BCL2L11: variants seen among roughly 807,000 people sequenced by gnomAD.
The protein encoded by BCL2L11 is bcl-2-like protein 11.
A neutral mutation model predicts 20.6 loss-of-function variants in BCL2L11; 15 were observed. The observed-to-expected ratio is 0.73, with a 90% CI of 0.49 to 1.12. The LOEUF is 1.12. Among genes scored for constraint, BCL2L11 ranks in the 50% most tolerant of loss-of-function variants. The pLI, the probability that BCL2L11 is intolerant of heterozygous loss-of-function variation, is 0.00. For missense variants in BCL2L11, 292 were observed against 260.9 expected, an observed-to-expected ratio of 1.12 and a Z score of -0.82; for synonymous variants, 108 against 92.8, an observed-to-expected ratio of 1.16 and a Z score of -0.94.
intron 1 of BCL2L11, among the ~76,000 whole-genome samples, chr2:111,122,252 T>C (rs2071195556): frequency 6.6e-6 from 1 of 152,204 alleles, no homozygotes; most frequent in Non-Finnish European, 1.5e-5. Context: ...GGACTGGGCC[T>C]GGGGATGGCC....
intron 3 of BCL2L11, 62 bp from the exon 4 acceptor site, chr2:111,164,071 T>TGCCCCCC: frequency 1.4e-5 from 9 of 664,716 alleles, no homozygotes; most frequent in East Asian, 3.3e-5. Context: ...AAATATGGGC[T>TGCCCCCC]CCCACCCCTC....
At chr2:111,147,377 C>G (rs1424271213) in intron 2 of BCL2L11, among the ~76,000 whole-genome samples, 1 of 151,364 alleles carries the variant, frequency 6.6e-6, no homozygotes, top group Non-Finnish European at 1.5e-5. Flanking sequence ...CACACACACA[C>G]ACACACACAC....
chr2:111,164,105 C>G (rs2078905328), intron 3 of BCL2L11, 28 bp from the exon 4 acceptor site: 1 of 596,792 alleles, frequency 1.7e-6, no homozygotes, highest in East Asian at 5.5e-5. Flanking sequence ...TAGGGAGAAA[C>G]TAAGAAGCTT....
At chr2:111,152,771 T>C (rs1345898691) in intron 3 of BCL2L11, among the ~76,000 whole-genome samples, 1 of 152,198 alleles carries the variant, frequency 6.6e-6, no homozygotes, top group East Asian at 1.9e-4. Context: ...CTTCTCCCAA[T>C]GTCATTTCAC....
intron 3 of BCL2L11, among the ~76,000 whole-genome samples, chr2:111,150,898 G>C (rs1014752402): frequency 1.6e-5 from 2 of 123,694 alleles, no homozygotes; most frequent in Non-Finnish European, 3.7e-5. Context: ...TTGTTTGTTT[G>C]TTTGTTTGTG....
At chr2:111,137,793 T>C (rs758907225) in intron 2 of BCL2L11, among the ~76,000 whole-genome samples, 1 of 152,096 alleles carries the variant, frequency 6.6e-6, no homozygotes, top group African/African-American at 2.4e-5. Flanking sequence ...TGGTGCTGTC[T>C]TCATGGTGTT....
At chr2:111,144,048 C>T (rs529985920) in intron 2 of BCL2L11, among the ~76,000 whole-genome samples, 1 of 152,306 alleles carries the variant, frequency 6.6e-6, no homozygotes, top group South Asian at 2.1e-4. Flanking sequence ...TTTCTTTTGA[C>T]CATGGCTCCA....
intron 2 of BCL2L11, among the ~76,000 whole-genome samples, chr2:111,141,498 A>C (rs1229324135): frequency 8.2e-6 from 1 of 122,106 alleles, no homozygotes; most frequent in African/African-American, 3.2e-5. Flanking sequence ...GGAATATCAC[A>C]CTCTGGGGAC....
chr2:111,163,101 C>A, intron 3 of BCL2L11: 1 of 154,060 alleles, frequency 6.5e-6, no homozygotes, highest in East Asian at 1.9e-4. Context: ...AGTGGAGCTG[C>A]AGCTGCGGCT....
At chr2:111,163,801 T>C (rs992683179) in intron 3 of BCL2L11, among the ~76,000 whole-genome samples, 4 of 151,982 alleles carry the variant, frequency 2.6e-5, no homozygotes, top group African/African-American at 9.7e-5. Flanking sequence ...GTCAGTTAAC[T>C]TGGGTGGTAA....
At chr2:111,123,589 T>C (rs1559007261) in intron 1 of BCL2L11, 144 bp from the exon 2 acceptor site, 2 of 1,224,960 alleles carry the variant, frequency 1.6e-6, no homozygotes, top group Non-Finnish European at 2.1e-6. Flanking sequence ...GCAATTTTTT[T>C]ATTTGGGAGA....
chr2:111,163,763 C>A (rs1403045140), intron 3 of BCL2L11, among the ~76,000 whole-genome samples: 2 of 152,142 alleles, frequency 1.3e-5, no homozygotes, highest in Non-Finnish European at 2.9e-5. Context: ...GAAATTCACC[C>A]CTGGGGGAAT....
intron 2 of BCL2L11, chr2:111,146,008 G>A: frequency 1.0e-6 from 1 of 978,092 alleles, no homozygotes; most frequent in South Asian, 4.7e-5. Context: ...TCTGCTACTT[G>A]CAGGATTGGA....
At chr2:111,154,353 GAA>G (rs556911619) in intron 3 of BCL2L11, among the ~76,000 whole-genome samples, 5 of 104,472 alleles carry the variant, frequency 4.8e-5, no homozygotes, top group Non-Finnish European at 6.3e-5. Context: ...GCCCTTCTCA[GAA>G]AAAAAAAAAA....
chr2:111,144,517 C>T lies in BCL2L11; in HGVS notation c.395-5527C>T, dbSNP rs73954956. 1.9e-6 allele frequency: 3 copies of T among 1,550,542 alleles called. No individual in the cohort carries two copies. In the South Asian group the frequency reaches 3.6e-5, roughly 18 times the overall value. On this transcript the variant is annotated intron_variant, in intron 2 of 3. Coordinates refer to ENST00000393256, the MANE Select transcript of BCL2L11 (RefSeq NM_138621.5). ...CTGGGACTAGAAACAGCTCCATCAC[C>T]CAGGTGAGTTTTATAAGGAAACATA...
At chr2:111,147,248 C>T (rs1417987427) in intron 2 of BCL2L11, among the ~76,000 whole-genome samples, 2 of 151,810 alleles carry the variant, frequency 1.3e-5, no homozygotes, top group African/African-American at 4.8e-5. Context: ...TGGTTTCTTG[C>T]CTTTTGCCCA....
chr2:111,125,663 G>C (rs1227366239), intron 2 of BCL2L11, among the ~76,000 whole-genome samples: 1 of 152,184 alleles, frequency 6.6e-6, no homozygotes, highest in Non-Finnish European at 1.5e-5. Flanking sequence ...ACCTCAGAGT[G>C]GTGGTCACTT....
intron 1 of BCL2L11, 193 bp from the exon 2 acceptor site, chr2:111,123,540 C>T (rs564440221): frequency 5.1e-6 from 5 of 984,242 alleles, no homozygotes; most frequent in Non-Finnish European, 6.0e-6. Context: ...TTGGGGGTAC[C>T]CTCTACCAAA....
rs1234055191 is a variant in BCL2L11 at position 111,165,548 on chromosome 2, G to A, written c.*1317G>A. On this transcript the variant is annotated 3_prime_UTR_variant, in exon 4 of 4. Coordinates refer to ENST00000393256, the MANE Select transcript of BCL2L11 (RefSeq NM_138621.5). The stretch of plus-strand genomic sequence containing the variant: ...TTCCAGGACAGTTGGATATTGTCAG[G>A]CCACTTGTGACCCCAGCCATGTAGT... 6.6e-6 allele frequency: 1 copy of A among 152,190 alleles called. No homozygotes were observed. The highest frequency in any genetic ancestry group is 2.4e-5 in the African/African-American group (1 of 41,406). 9.4% of individuals were successfully genotyped at this position (152,190 alleles called of 1,614,324 possible). A position where few individuals can be genotyped will look rare whatever the true frequency, so the allele number is the denominator to read the frequency against.
Sources: gnomAD v4.1 joint callset for allele counts (sites outside exome capture counted in the v4.1 genomes callset) on GRCh38, gnomAD v4.1.1 for gene constraint, MANE v1.5 for transcripts, NCBI Gene and HGNC (gene_info 2026-07-23, HGNC 2026-07-21) for gene names.